The following HORMAD2 variants were observed in gnomAD, a reference collection of about 807,000 sequenced individuals.
The protein encoded by HORMAD2 is HORMA domain containing 2.
In HORMAD2, 45 loss-of-function variants were observed where a neutral mutation model predicts 38.8. The ratio of observed to expected loss-of-function variants is 1.16; its 90% CI spans 0.91 to 1.49. HORMAD2 has a LOEUF of 1.49. HORMAD2 is among the 40% of genes most tolerant of loss of function. The pLI is 0.00. For synonymous variants in HORMAD2, 126 were observed against 122.8 expected, an observed-to-expected ratio of 1.03 and a Z score of -0.17; for missense variants, 338 against 367.0, an observed-to-expected ratio of 0.92 and a Z score of 0.65.
intron 1 of HORMAD2, among the ~76,000 whole-genome samples, chr22:30,091,762 A>G (rs1160541316): frequency 1.3e-5 from 2 of 152,232 alleles, no homozygotes; most frequent in Non-Finnish European, 2.9e-5. Context: ...AGGACCTTCC[A>G]TACTGTTTTC....
At chr22:30,099,378 C>T (rs1453214093) in intron 3 of HORMAD2, among the ~76,000 whole-genome samples, 2 of 152,120 alleles carry the variant, frequency 1.3e-5, no homozygotes, top group African/African-American at 2.4e-5. Context: ...ACTTTTCTCC[C>T]TGTTAACGTA....
intron 1 of HORMAD2, among the ~76,000 whole-genome samples, chr22:30,084,354 C>T (rs142647680): frequency 6.6e-6 from 1 of 152,260 alleles, no homozygotes; most frequent in African/African-American, 2.4e-5. Flanking sequence ...AACAAATCCA[C>T]TCTCCTGATA....
At chr22:30,118,771 A>G (rs1569095836) in intron 7 of HORMAD2, among the ~76,000 whole-genome samples, 4 of 152,242 alleles carry the variant, frequency 2.6e-5, no homozygotes, top group South Asian at 4.2e-4. Flanking sequence ...AGTATCTTTC[A>G]TCTAATTTAT....
At chr22:30,204,982 G>A in the HORMAD2 span, among the ~76,000 whole-genome samples, 11 of 152,164 alleles carry the variant, frequency 7.2e-5, no homozygotes, top group African/African-American at 2.2e-4. Flanking sequence ...TCCTGGAGCC[G>A]GCCCGGGGTG....
chr22:30,088,754 C>T (rs1277934819), intron 1 of HORMAD2, among the ~76,000 whole-genome samples: 1 of 151,308 alleles, frequency 6.6e-6, no homozygotes, highest in Admixed American at 6.6e-5. Flanking sequence ...GTATTCTATA[C>T]TAATATAGAA....
intron 10 of HORMAD2, among the ~76,000 whole-genome samples, chr22:30,172,086 A>G (rs1003587208): frequency 6.6e-6 from 1 of 152,150 alleles, no homozygotes; most frequent in South Asian, 2.1e-4. Flanking sequence ...GAGAGAGTGC[A>G]TAGCTTTCAT....
At chr22:30,118,250 G>T (rs552075043) in intron 7 of HORMAD2, among the ~76,000 whole-genome samples, 2 of 152,094 alleles carry the variant, frequency 1.3e-5, no homozygotes, top group South Asian at 4.2e-4. Flanking sequence ...TCGCTCACTG[G>T]TTTCCAGCCA....
Position 30,098,949 on chromosome 22 carries a change from G to A in HORMAD2, c.149G>A (p.Arg50Lys). 6.2e-7 allele frequency: 1 copy of A among 1,612,988 alleles called. No homozygotes were observed. Among genetic ancestry groups the A allele is most frequent in the South Asian group, 1.1e-5 (1 of 90,986 alleles). ...ATSISCITYL[R>K]GLFPESSYGE... Reference sequence around the variant, plus strand: ...TCCATCTCATGTATAACATACCTAAGGGGCCTGTTTCCAGAGAGCTCTTAT... The same window carrying A: ...TCCATCTCATGTATAACATACCTAAAGGGCCTGTTTCCAGAGAGCTCTTAT... Residue 50 changes from arginine (R) to lysine (K), a missense_variant, in exon 3 of 11, where the codon AGG becomes AAG. Arg to Lys is a conservative substitution (Grantham distance 26, BLOSUM62 2). Transcript: ENST00000336726.
intron 10 of HORMAD2, chr22:30,137,202 T>C: frequency 1.7e-6 from 1 of 595,480 alleles, no homozygotes; most frequent in Non-Finnish European, 3.2e-6. Flanking sequence ...ACATCTTCAG[T>C]ATCAGCTTGA....
chr22:30,183,701 T>C, the HORMAD2 span, among the ~76,000 whole-genome samples: 1 of 152,244 alleles, frequency 6.6e-6, no homozygotes, highest in Non-Finnish European at 1.5e-5. Context: ...AGTGATCATA[T>C]GTAAAAATAA....
the HORMAD2 span, among the ~76,000 whole-genome samples, chr22:30,195,118 G>T: frequency 6.6e-6 from 1 of 150,850 alleles, no homozygotes; most frequent in African/African-American, 2.4e-5. Flanking sequence ...GCTTGAACCC[G>T]GAAGGCAAAG....
At chr22:30,157,746 T>C (rs1390359444) in intron 10 of HORMAD2, among the ~76,000 whole-genome samples, 1 of 152,170 alleles carries the variant, frequency 6.6e-6, no homozygotes, top group Non-Finnish European at 1.5e-5. Flanking sequence ...AGATTTGAAG[T>C]GAAAGACTTC....
chr22:30,086,005 T>G (rs1185347669), intron 1 of HORMAD2, among the ~76,000 whole-genome samples: 1 of 152,182 alleles, frequency 6.6e-6, no homozygotes, highest in Non-Finnish European at 1.5e-5. Context: ...CACCCAAATC[T>G]CATGTCAAAT....
chr22:30,112,560 GTATAT>G, intron 7 of HORMAD2, 38 bp downstream of exon 7: 1 of 946,920 alleles, frequency 1.1e-6, no homozygotes, highest in South Asian at 2.3e-5. Context: ...GGTAGTATAT[GTATAT>G]TATATTTTAA....
At chr22:30,083,176 A>G (rs1311744735) in intron 1 of HORMAD2, among the ~76,000 whole-genome samples, 1 of 152,152 alleles carries the variant, frequency 6.6e-6, no homozygotes, top group African/African-American at 2.4e-5. Context: ...CTGAGGTGGG[A>G]GGATCACTTG....
At chr22:30,168,631 C>T (rs192040863) in intron 10 of HORMAD2, among the ~76,000 whole-genome samples, 1 of 152,146 alleles carries the variant, frequency 6.6e-6, no homozygotes, top group Non-Finnish European at 1.5e-5. Flanking sequence ...ATGTTTTACT[C>T]CTTTCTTTCC....
chr22:30,107,721 G>A lies in HORMAD2; in HGVS notation c.294+3284G>A, dbSNP rs898021835. Among the ~76,000 whole-genome samples the A allele has an allele frequency of 4.0e-5, 6 of 151,808 alleles. No homozygotes were observed. In the East Asian group the frequency reaches 1.2e-3, roughly 29 times the overall value. ...GCTGAGACCATGCCACTGCACTCCAGCCTGGGCGACAGAGCGAAACTTCAT... is the reference window on the plus strand; with the variant it reads ...GCTGAGACCATGCCACTGCACTCCAACCTGGGCGACAGAGCGAAACTTCAT... On this transcript the variant is annotated intron_variant, in intron 5 of 10. Coordinates refer to ENST00000336726, the MANE Select transcript of HORMAD2 (RefSeq NM_152510.4).
chr22:30,154,243 A>G (rs1424820779), intron 10 of HORMAD2, among the ~76,000 whole-genome samples: 1 of 152,248 alleles, frequency 6.6e-6, no homozygotes, highest in Non-Finnish European at 1.5e-5. Context: ...CAGTTTCCAC[A>G]ATATTTGTCA....
chr22:30,123,079 T>A (rs5763788), intron 10 of HORMAD2, among the ~76,000 whole-genome samples: 20,828 of 152,208 alleles, frequency 0.14, 2,903 homozygotes, highest in African/African-American at 0.34. Context: ...GTTCTTTAAC[T>A]CTGTATTATG....
Sources: allele counts gnomAD v4.1 joint callset (sites outside exome capture counted in the v4.1 genomes callset), GRCh38; gene constraint gnomAD v4.1.1; transcripts MANE v1.5; gene names NCBI Gene and HGNC (gene_info 2026-07-23, HGNC 2026-07-21).